Variants in IL17RB observed in about 807,000 individuals in gnomAD.
IL17RB encodes interleukin-17 receptor B.
Under a neutral mutation model 43.9 loss-of-function variants are expected in IL17RB, and 36 were observed. The ratio of observed to expected loss-of-function variants is 0.82; its 90% CI spans 0.63 to 1.08. The LOEUF is 1.08. IL17RB is among the 50% of genes least tolerant of loss of function. The pLI is 0.00. For missense variants in IL17RB, 613 were observed against 613.6 expected, an observed-to-expected ratio of 1.00 and a Z score of 0.01; for synonymous variants, 225 against 225.4, an observed-to-expected ratio of 1.00 and a Z score of 0.02.
intron 10 of IL17RB, among the ~76,000 whole-genome samples, chr3:53,863,733 C>A (rs986798754): frequency 6.6e-6 from 1 of 152,056 alleles, no homozygotes; most frequent in African/African-American, 2.4e-5. Flanking sequence ...CTAATTGACC[C>A]GACTCAAAAT....
intron 9 of IL17RB, chr3:53,859,896 C>A: frequency 5.1e-6 from 2 of 391,752 alleles, no homozygotes; most frequent in South Asian, 4.0e-5. Context: ...GCCTGTAATC[C>A]CAGCTACTCA....
chr3:53,852,043 A>G lies in IL17RB; in HGVS notation c.271A>G (p.Lys91Glu), dbSNP rs775359161. Residue 91 changes from lysine to glutamate, a missense_variant, in exon 4 of 11, where the codon AAA becomes GAA. Lys to Glu is a moderately conservative substitution (Grantham distance 56). Transcript: ENST00000288167. ...LKATKICVTG[K>E]SNFQSYSCVR... ...GGCCACCAAGATTTGTGTGACGGGCAAAAGCAACTTCCAGTCCTACAGCTG... is the reference window on the plus strand; with the variant it reads ...GGCCACCAAGATTTGTGTGACGGGCGAAAGCAACTTCCAGTCCTACAGCTG... 1 of 1,614,074 alleles carries G rather than the reference A, an allele frequency of 6.2e-7. No homozygotes were observed. Among genetic ancestry groups the G allele is most frequent in the East Asian group, 2.2e-5 (1 of 44,890 alleles).
chr3:53,846,569 T>G lies in IL17RB; in HGVS notation c.-20T>G. On this transcript the variant is annotated 5_prime_UTR_variant, in exon 1 of 11. Transcript: ENST00000288167. ...AAGCGCAGCGTGCGGGTGGCCTGGA[T>G]CCCGCGCAGTGGCCCGGCGATGTCG... The G allele has an allele frequency of 6.4e-7, 1 of 1,564,852 alleles. No individual in the cohort carries two copies. The highest frequency in any genetic ancestry group is 8.6e-7 in the Non-Finnish European group (1 of 1,161,502).
chr3:53,846,730 C>T, intron 1 of IL17RB, 82 bp downstream of exon 1: 2 of 1,433,560 alleles, frequency 1.4e-6, no homozygotes, highest in Admixed American at 2.1e-5. Flanking sequence ...CCAGTCCAGG[C>T]TGCCCCGAAG....
chr3:53,846,871 T>G (rs1441012990), intron 1 of IL17RB, among the ~76,000 whole-genome samples: 2 of 152,212 alleles, frequency 1.3e-5, no homozygotes, highest in Non-Finnish European at 2.9e-5. Flanking sequence ...CCTGTACTGT[T>G]GGTTCTGTCA....
intron 2 of IL17RB, 102 bp from the exon 3 acceptor site, chr3:53,849,553 T>G (rs1699057235): frequency 3.9e-6 from 4 of 1,027,614 alleles, no homozygotes; most frequent in African/African-American, 3.3e-5. Context: ...AAGTGAGGAA[T>G]TGTGAATGGG....
At chr3:53,858,204 A>C in intron 8 of IL17RB, 1 of 282,854 alleles carries the variant, frequency 3.5e-6, no homozygotes, top group South Asian at 1.1e-4. Flanking sequence ...CCAGTGGGAC[A>C]CAGCCACTCC....
Position 53,857,007 on chromosome 3 carries a change from C to T in IL17RB, c.672+21C>T, listed in dbSNP as rs757752858. The T allele has an allele frequency of 2.2e-5, 36 of 1,612,550 alleles. No individual in the cohort carries two copies. In the East Asian group the frequency reaches 7.6e-4, roughly 34 times the overall value. Reference sequence around the variant, plus strand: ...TTGAGGTACTTTTTCTCTTCGTCCCCTTCACCTCGTCCTCCAGCTTTCCTT... The same window carrying T: ...TTGAGGTACTTTTTCTCTTCGTCCCTTTCACCTCGTCCTCCAGCTTTCCTT... On this transcript the variant is annotated intron_variant, in intron 7 of 10. Coordinates refer to ENST00000288167, the MANE Select transcript of IL17RB (RefSeq NM_018725.4).
intron 5 of IL17RB, among the ~76,000 whole-genome samples, chr3:53,853,931 T>C (rs1699246224): frequency 6.6e-6 from 1 of 152,156 alleles, no homozygotes; most frequent in African/African-American, 2.4e-5. Context: ...GGTTTTGCTC[T>C]TGTTGCCCTG....
rs1699758256 is a variant in IL17RB at position 53,865,584 on chromosome 3, T to TC, written c.*277dup. On this transcript the variant is annotated 3_prime_UTR_variant, in exon 11 of 11. Coordinates refer to ENST00000288167, the MANE Select transcript of IL17RB (RefSeq NM_018725.4). Reference sequence around the variant, plus strand: ...ATTTTGATAATGCAACAATAAAGCATCTTCAGCCAAACATCTAGTCTTCCA... The same window carrying TC: ...ATTTTGATAATGCAACAATAAAGCATCCTTCAGCCAAACATCTAGTCTTCCA... 2 of 378,548 alleles carry TC rather than the reference T, an allele frequency of 5.3e-6. No individual in the cohort carries two copies. Among genetic ancestry groups the TC allele is most frequent in the Non-Finnish European group, 9.6e-6 (2 of 209,374 alleles). The allele number at this position is 378,548 out of a possible 1,614,324, so 23.4% of individuals were successfully genotyped here.
intron 10 of IL17RB, among the ~76,000 whole-genome samples, chr3:53,862,322 A>C (rs1455451486): frequency 6.6e-6 from 1 of 152,204 alleles, no homozygotes; most frequent in Non-Finnish European, 1.5e-5. Flanking sequence ...AAGGATTGTC[A>C]ACACTATGGA....
chr3:53,855,036 G>A (rs1226410698), intron 5 of IL17RB, among the ~76,000 whole-genome samples: 7 of 146,576 alleles, frequency 4.8e-5, no homozygotes, highest in Admixed American at 2.8e-4. Context: ...AGAATGGCGT[G>A]AACCTGGGTG....
chr3:53,853,043 C>G (rs1699213415), intron 5 of IL17RB, 46 bp downstream of exon 5: 1 of 1,611,188 alleles, frequency 6.2e-7, no homozygotes, highest in South Asian at 1.1e-5. Context: ...GCTGGGATGC[C>G]TGCTTTGCGA....
At chr3:53,857,074 CTGGG>C in intron 7 of IL17RB, 88 bp downstream of exon 7, 1 of 1,367,124 alleles carries the variant, frequency 7.3e-7, no homozygotes, top group Non-Finnish European at 1.0e-6. Context: ...TCCAAACGTG[CTGGG>C]CTACTTTGAT....
At chr3:53,856,096 C>A (rs899324496) in intron 6 of IL17RB, among the ~76,000 whole-genome samples, 8 of 152,216 alleles carry the variant, frequency 5.3e-5, no homozygotes. Context: ...GGACGCTGAG[C>A]TTCCCACCAA....
In IL17RB at chr3:53,849,670, G is replaced by A. The variant is rs182291591; in HGVS notation, c.101G>A (p.Trp34Ter). The change falls in exon 3 of 11, where the codon TGG (tryptophan) becomes TAG (stop). Residue 34 changes from tryptophan (W) to a stop codon, truncating the protein, a stop_gained. Transcript: ENST00000288167. LOFTEE classifies it high-confidence loss of function. ...TTTTTCCCAGGGCCATCTCCAGAGT[G>A]GATGCTACAACATGATCTAATCCCC... Reference protein sequence around the residue: ...CGSETGPSPEWMLQHDLIPGD... With the variant: ...CGSETGPSPE 8.7e-6 allele frequency: 14 copies of A among 1,608,680 alleles called. No homozygotes were observed. The highest frequency in any genetic ancestry group is 1.3e-5 in the African/African-American group (1 of 74,862).
At chr3:53,852,211 G>A (rs1456647976) in intron 4 of IL17RB, 85 bp downstream of exon 4, 1 of 1,216,558 alleles carries the variant, frequency 8.2e-7, no homozygotes, top group African/African-American at 1.5e-5. Flanking sequence ...GTGCGATCAT[G>A]GCTCACTGCG....
chr3:53,858,403 T>C, intron 8 of IL17RB: 1 of 1,121,944 alleles, frequency 8.9e-7, no homozygotes, highest in Non-Finnish European at 1.1e-6. Flanking sequence ...TCACTGCTGC[T>C]CCTTTTTTCT....
intron 2 of IL17RB, 85 bp from the exon 3 acceptor site, chr3:53,849,570 T>G: frequency 8.2e-7 from 1 of 1,225,456 alleles, no homozygotes; most frequent in Non-Finnish European, 1.1e-6. Context: ...TGGGGGAAGG[T>G]TTGGTGTGAG....
Sources: gnomAD v4.1 joint callset for allele counts (sites outside exome capture counted in the v4.1 genomes callset) on GRCh38, gnomAD v4.1.1 for gene constraint, MANE v1.5 for transcripts, NCBI Gene and HGNC (gene_info 2026-07-23, HGNC 2026-07-21) for gene names.